NALCN: variants seen among roughly 807,000 people sequenced by gnomAD.
NALCN encodes sodium leak channel NALCN.
NALCN carries 111 observed loss-of-function variants against 225.3 expected under a neutral mutation model. That is an observed-to-expected ratio of 0.49 (90% CI 0.42 to 0.58). NALCN has a LOEUF of 0.58. Among genes scored for constraint, NALCN ranks in the 20% least tolerant of loss-of-function variants. The pLI, the probability that NALCN is intolerant of heterozygous loss-of-function variation, is 0.00. For synonymous variants in NALCN, 764 were observed against 769.0 expected, an observed-to-expected ratio of 0.99 and a Z score of 0.11; for missense variants, 1,378 against 2,202.4, an observed-to-expected ratio of 0.63 and a Z score of 7.49.
chr13:101,102,592 A>C (rs2034881996), intron 26 of NALCN, among the ~76,000 whole-genome samples: 1 of 152,178 alleles, frequency 6.6e-6, no homozygotes, highest in African/African-American at 2.4e-5. Context: ...GAAGACCCTA[A>C]ATCAATGTTT....
rs540485038 is a variant in NALCN at position 101,082,992 on chromosome 13, C to G, written c.3690+100G>C. Reference sequence around the variant, plus strand: ...GACAGTGAATCTTAATTTTTACACCCAAGAACATAACCGTGAATGCATATA... The same window carrying G: ...GACAGTGAATCTTAATTTTTACACCGAAGAACATAACCGTGAATGCATATA... On this transcript the variant is annotated intron_variant, in intron 32 of 43. Transcript: ENST00000251127. The G allele has an allele frequency of 1.3e-4, 196 of 1,551,846 alleles. No individual in the cohort carries two copies. In the African/African-American group the frequency reaches 1.7e-3, roughly 13 times the overall value.
At chr13:101,269,961 CT>C (rs2042721183) in intron 10 of NALCN, among the ~76,000 whole-genome samples, 1 of 152,132 alleles carries the variant, frequency 6.6e-6, no homozygotes, top group African/African-American at 2.4e-5. Flanking sequence ...AATATTAGTC[CT>C]TCCACAATAA....
At chr13:101,139,879 T>C (rs2139772401) in intron 17 of NALCN, among the ~76,000 whole-genome samples, 1 of 152,348 alleles carries the variant, frequency 6.6e-6, no homozygotes, top group South Asian at 2.1e-4. Flanking sequence ...AATTTGTGCT[T>C]CCATTAAATC....
At position 101,083,428 on chromosome 13, in the gene NALCN, T is replaced by G. The variant is rs150429616; in HGVS notation, c.3584-230A>C. Among the ~76,000 whole-genome samples, 7 of 152,330 alleles carry G rather than the reference T, an allele frequency of 4.6e-5. No homozygotes were observed. In the East Asian group the frequency reaches 1.4e-3, roughly 29 times the overall value. ...AGTGCATCATTCAATTTCTGTCAGT[T>G]TAATACATTTCACTTATATTTTTAA... is the stretch of plus-strand genomic sequence containing the variant. On this transcript the variant is annotated intron_variant, in intron 31 of 43. Coordinates refer to ENST00000251127, the MANE Select transcript of NALCN (RefSeq NM_052867.4).
chr13:101,208,169 A>G (rs547573979), intron 13 of NALCN, among the ~76,000 whole-genome samples: 2 of 152,016 alleles, frequency 1.3e-5, no homozygotes, highest in East Asian at 3.9e-4. Context: ...TCACTCCTGA[A>G]GCCAGCAAGA....
rs3061766 is a variant in NALCN at position 101,278,522 on chromosome 13, C to CAAAAA, written c.1134+5406_1134+5410dup. 3.8e-4 allele frequency among the ~76,000 whole-genome samples: 33 copies of CAAAAA among 87,388 alleles called. 1 individual carries two copies. Among genetic ancestry groups the CAAAAA allele is most frequent in the African/African-American group, 6.3e-4 (11 of 17,506 alleles). 57.3% of individuals were successfully genotyped at this position (87,388 alleles called of 152,430 possible). Reference sequence around the variant, plus strand: ...TGGGCAGGAGAGTGAGACTCTGTCTCAAAAAAAAAAAAAAAAAAAAAAAAG... The same window carrying CAAAAA: ...TGGGCAGGAGAGTGAGACTCTGTCTCAAAAAAAAAAAAAAAAAAAAAAAAAAAAAG... On this transcript the variant is annotated intron_variant, in intron 10 of 43. Coordinates refer to ENST00000251127, the MANE Select transcript of NALCN (RefSeq NM_052867.4).
intron 15 of NALCN, among the ~76,000 whole-genome samples, chr13:101,173,961 A>G (rs2038854926): frequency 6.6e-6 from 1 of 152,210 alleles, no homozygotes; most frequent in African/African-American, 2.4e-5. Flanking sequence ...AAAAATATGC[A>G]AATGAGCCCT....
intron 11 of NALCN, among the ~76,000 whole-genome samples, chr13:101,242,080 T>C (rs1415119865): frequency 9.4e-6 from 1 of 106,490 alleles, no homozygotes; most frequent in Non-Finnish European, 2.1e-5. Flanking sequence ...TTTAAGTGTT[T>C]GGTAGAAATG....
At chr13:101,212,644 T>C (rs1232842745) in intron 13 of NALCN, among the ~76,000 whole-genome samples, 1 of 152,168 alleles carries the variant, frequency 6.6e-6, no homozygotes, top group African/African-American at 2.4e-5. Context: ...TGAAAGATGA[T>C]TTTCAGTGGT....
chr13:101,354,889 G>A (rs74686171), intron 6 of NALCN, among the ~76,000 whole-genome samples: 4,914 of 152,118 alleles, frequency 0.032, 268 homozygotes, highest in African/African-American at 0.11. Context: ...TTGTCCTTGC[G>A]CAAATCTCAT....
At chr13:101,214,883 G>A (rs2040670232) in intron 13 of NALCN, among the ~76,000 whole-genome samples, 1 of 152,130 alleles carries the variant, frequency 6.6e-6, no homozygotes, top group African/African-American at 2.4e-5. Context: ...AAGGGAGCCT[G>A]TGCCTCTTGA....
chr13:101,325,277 G>A (rs1167296366), intron 7 of NALCN, among the ~76,000 whole-genome samples: 2 of 152,214 alleles, frequency 1.3e-5, no homozygotes, highest in African/African-American at 4.8e-5. Flanking sequence ...CACTTGAGCT[G>A]TAGGAGCCAA....
intron 14 of NALCN, among the ~76,000 whole-genome samples, chr13:101,180,133 G>A (rs548125790): frequency 6.6e-6 from 1 of 151,598 alleles, no homozygotes; most frequent in East Asian, 1.9e-4. Context: ...CGTGTTCATA[G>A]GTTCTGTGGG....
chr13:101,210,930 C>T (rs1193434678), intron 13 of NALCN, among the ~76,000 whole-genome samples: 2 of 152,136 alleles, frequency 1.3e-5, no homozygotes, highest in African/African-American at 4.8e-5. Flanking sequence ...AATAGAGTCT[C>T]ACTACAGACT....
At chr13:101,348,722 T>C (rs1207474874) in intron 6 of NALCN, among the ~76,000 whole-genome samples, 1 of 152,148 alleles carries the variant, frequency 6.6e-6, no homozygotes, top group Admixed American at 6.6e-5. Flanking sequence ...CTAGATATTA[T>C]TTTGAAGTCT....
intron 36 of NALCN, among the ~76,000 whole-genome samples, chr13:101,074,195 A>T (rs1366746699): frequency 6.6e-6 from 1 of 152,154 alleles, no homozygotes; most frequent in Non-Finnish European, 1.5e-5. Flanking sequence ...ATAATATATC[A>T]TTTTTTGGCA....
intron 2 of NALCN, among the ~76,000 whole-genome samples, chr13:101,397,064 T>TA (rs1171855289): frequency 2.5e-5 from 2 of 79,850 alleles, no homozygotes; most frequent in Admixed American, 1.6e-4. Context: ...CCTATGAATG[T>TA]ATTATATATA....
chr13:101,360,327 G>A (rs7983681), intron 6 of NALCN, among the ~76,000 whole-genome samples: 6,192 of 150,516 alleles, frequency 0.041, 401 homozygotes, highest in African/African-American at 0.14. Context: ...CTCACCTCCC[G>A]GCTCCAACGA....
chr13:101,115,057 T>C (rs1000089316), intron 18 of NALCN, among the ~76,000 whole-genome samples: 2 of 152,322 alleles, frequency 1.3e-5, no homozygotes, highest in East Asian at 1.9e-4. Context: ...TGAATGAACC[T>C]TGAAATTCCG....
Sources: gnomAD v4.1 joint callset for allele counts (sites outside exome capture counted in the v4.1 genomes callset) on GRCh38, gnomAD v4.1.1 for gene constraint, MANE v1.5 for transcripts, NCBI Gene and HGNC (gene_info 2026-07-23, HGNC 2026-07-21) for gene names.